The following WWOX variants were observed in gnomAD, a reference collection of about 807,000 sequenced individuals.
The protein encoded by WWOX is WW domain containing oxidoreductase.
WWOX carries 69 observed loss-of-function variants against 46.2 expected under a neutral mutation model. That is an observed-to-expected ratio of 1.49 (90% confidence interval 1.23 to 1.82). WWOX has a LOEUF of 1.82. WWOX is among the 40% of genes most tolerant of loss of function. WWOX has a pLI of 0.00. For synonymous variants in WWOX, 359 were observed against 202.6 expected (o/e 1.77, Z -6.56); for missense variants, 919 against 542.6 (o/e 1.69, Z -6.89).
chr16:79,132,772 G>T (rs1407441154), intron 8 of WWOX, among the ~76,000 whole-genome samples: 1 of 152,176 alleles, frequency 6.6e-6, no homozygotes, highest in Admixed American at 6.5e-5. Context: ...ATTCAGTTTT[G>T]AATATGCTTG....
intron 8 of WWOX, among the ~76,000 whole-genome samples, chr16:79,150,961 G>C (rs1329462961): frequency 6.6e-6 from 1 of 152,130 alleles, no homozygotes; most frequent in African/African-American, 2.4e-5. Context: ...TTTATTCTAG[G>C]CTCTTTTCAT....
At chr16:78,641,390 T>C (rs762613122) in intron 8 of WWOX, among the ~76,000 whole-genome samples, 3 of 152,070 alleles carry the variant, frequency 2.0e-5, no homozygotes, top group Non-Finnish European at 4.4e-5. Flanking sequence ...ACTTGTAGTG[T>C]CAGGGTTATC....
chr16:78,217,767 G>A (rs1048834025), intron 5 of WWOX, among the ~76,000 whole-genome samples: 1 of 151,932 alleles, frequency 6.6e-6, no homozygotes, highest in African/African-American at 2.4e-5. Flanking sequence ...ATATATGGGG[G>A]TATAGGGATA....
chr16:78,852,396 C>T (rs1429410130), intron 8 of WWOX, among the ~76,000 whole-genome samples: 2 of 152,202 alleles, frequency 1.3e-5, no homozygotes, highest in East Asian at 3.9e-4. Context: ...AGAAGCTAGA[C>T]ACCATGTTGC....
At chr16:78,332,093 A>G (rs1050453307) in intron 5 of WWOX, among the ~76,000 whole-genome samples, 3 of 152,156 alleles carry the variant, frequency 2.0e-5, no homozygotes, top group African/African-American at 4.8e-5. Flanking sequence ...TCCCTGGGCC[A>G]TGAAAGACAA....
intron 8 of WWOX, among the ~76,000 whole-genome samples, chr16:78,592,199 G>C: frequency 6.6e-6 from 1 of 152,126 alleles, no homozygotes; most frequent in Admixed American, 6.5e-5. Context: ...TTTGCAAAGC[G>C]GATGTGTTTT....
intron 8 of WWOX, among the ~76,000 whole-genome samples, chr16:78,951,167 G>C (rs1027699268): frequency 6.6e-6 from 1 of 152,198 alleles, no homozygotes; most frequent in African/African-American, 2.4e-5. Flanking sequence ...GCCTAAGGGT[G>C]GATCTGGCGT....
intron 8 of WWOX, among the ~76,000 whole-genome samples, chr16:79,027,851 CATA>C (rs2047676826): frequency 6.6e-6 from 1 of 151,864 alleles, no homozygotes; most frequent in Admixed American, 6.5e-5. Flanking sequence ...CTGAACATAG[CATA>C]GAAACAGCAC....
intron 8 of WWOX, among the ~76,000 whole-genome samples, chr16:79,152,068 T>A (rs2050290314): frequency 6.6e-6 from 1 of 152,212 alleles, no homozygotes; most frequent in Admixed American, 6.5e-5. Flanking sequence ...ACCATATCCC[T>A]TGTTAAATTT....
chr16:78,391,510 G>T (rs1486573512), intron 6 of WWOX, among the ~76,000 whole-genome samples: 1 of 152,184 alleles, frequency 6.6e-6, no homozygotes, highest in Non-Finnish European at 1.5e-5. Context: ...TCAGTCATAG[G>T]AATTTCAGTG....
intron 8 of WWOX, among the ~76,000 whole-genome samples, chr16:78,475,744 T>A (rs978933881): frequency 6.6e-6 from 1 of 152,108 alleles, no homozygotes; most frequent in Non-Finnish European, 1.5e-5. Context: ...TACAGGCATG[T>A]GCCACCACAC....
chr16:78,962,274 G>A lies in WWOX; in HGVS notation c.1057-249334G>A, dbSNP rs538685203. On this transcript the variant is annotated intron_variant, in intron 8 of 8. Coordinates refer to ENST00000566780, the MANE Select transcript of WWOX (RefSeq NM_016373.4). Reference sequence around the variant, plus strand: ...CCATTAGCTGAATTCTGTGCCAGAAGGAAGAGATTTGGAGTCAGCAAGGCA... The same window carrying A: ...CCATTAGCTGAATTCTGTGCCAGAAAGAAGAGATTTGGAGTCAGCAAGGCA... Among the ~76,000 whole-genome samples, 114 of 140,258 alleles carry A rather than the reference G, an allele frequency of 8.1e-4. No individual in the cohort carries two copies. In the Middle Eastern group the frequency reaches 0.022, roughly 27 times the overall value. 92.0% of individuals were successfully genotyped at this position (140,258 alleles called of 152,430 possible). A position where few individuals can be genotyped will look rare whatever the true frequency, so the allele number is the denominator to read the frequency against.
intron 8 of WWOX, among the ~76,000 whole-genome samples, chr16:79,083,577 G>A (rs541483614): frequency 4.6e-5 from 7 of 152,240 alleles, no homozygotes; most frequent in African/African-American, 1.7e-4. Context: ...GCTTATGCAC[G>A]CGTATGGCTG....
intron 5 of WWOX, among the ~76,000 whole-genome samples, chr16:78,200,406 A>G (rs1405186824): frequency 6.6e-6 from 1 of 151,276 alleles, no homozygotes; most frequent in Non-Finnish European, 1.5e-5. Flanking sequence ...AAGAGAGAAA[A>G]GGAATAAAAA....
chr16:78,829,469 G>A lies in WWOX; in HGVS notation c.1057-382139G>A, dbSNP rs74654248. Reference sequence around the variant, plus strand: ...CTGATTCAAAGGTTAGTCTCATGTAGAATCACCCTCACAGACACACACTCA... The same window carrying A: ...CTGATTCAAAGGTTAGTCTCATGTAAAATCACCCTCACAGACACACACTCA... On this transcript the variant is annotated intron_variant, in intron 8 of 8. Transcript: ENST00000566780. 1.0e-2 allele frequency among the ~76,000 whole-genome samples: 1,516 copies of A among 152,300 alleles called. 20 individuals are homozygous for A. Among genetic ancestry groups the A allele is most frequent in the East Asian group, 0.054 (278 of 5,174 alleles).
chr16:79,117,600 T>A (rs550215775), intron 8 of WWOX, among the ~76,000 whole-genome samples: 1 of 152,248 alleles, frequency 6.6e-6, no homozygotes, highest in African/African-American at 2.4e-5. Flanking sequence ...GCTCTCAAAG[T>A]CCTAGACAGC....
Position 78,731,623 on chromosome 16 carries a change from G to A in WWOX, c.1056+298871G>A, listed in dbSNP as rs373662101. Among the ~76,000 whole-genome samples, 12 of 152,084 alleles carry A rather than the reference G, an allele frequency of 7.9e-5. No individual in the cohort carries two copies. In the East Asian group the frequency reaches 2.3e-3, roughly 29 times the overall value. Reference sequence around the variant, plus strand: ...GATCAGTACCTTGAAATTCAGAATAGATGGCATGAAGCACTTCAGCTTTGC... The same window carrying A: ...GATCAGTACCTTGAAATTCAGAATAAATGGCATGAAGCACTTCAGCTTTGC... On this transcript the variant is annotated intron_variant, in intron 8 of 8. Transcript: ENST00000566780.
chr16:79,201,869 G>T (rs529778189), intron 8 of WWOX, among the ~76,000 whole-genome samples: 2 of 151,928 alleles, frequency 1.3e-5, no homozygotes, highest in African/African-American at 2.4e-5. Flanking sequence ...TTTCATTTTT[G>T]TTCACCTGTT....
intron 8 of WWOX, among the ~76,000 whole-genome samples, chr16:78,772,451 C>T (rs781351549): frequency 5.3e-5 from 8 of 152,128 alleles, no homozygotes; most frequent in Admixed American, 2.6e-4. Context: ...CATTTGTGGA[C>T]ATTTAGGTTG....
Sources: gnomAD v4.1 joint callset for allele counts (sites outside exome capture counted in the v4.1 genomes callset) on GRCh38, gnomAD v4.1.1 for gene constraint, MANE v1.5 for transcripts, NCBI Gene and HGNC (gene_info 2026-07-23, HGNC 2026-07-21) for gene names.